NALF1: variants seen among roughly 807,000 people sequenced by gnomAD.
The protein encoded by NALF1 is NALCN channel auxiliary factor 1.
Under a neutral mutation model 48.4 loss-of-function variants are expected in NALF1, and 3 were observed. That is an observed-to-expected ratio of 0.06 (90% CI 0.03 to 0.16). NALF1 has a LOEUF of 0.16. NALF1 is among the 10% of genes least tolerant of loss of function. NALF1 has a pLI of 1.00. For missense variants in NALF1, 526 were observed against 571.5 expected, an observed-to-expected ratio of 0.92 and a Z score of 0.81; for synonymous variants, 262 against 245.7, an observed-to-expected ratio of 1.07 and a Z score of -0.62.
At chr13:107,319,790 T>C (rs1882219186) in intron 1 of NALF1, among the ~76,000 whole-genome samples, 2 of 152,152 alleles carry the variant, frequency 1.3e-5, no homozygotes, top group Non-Finnish European at 2.9e-5. Flanking sequence ...GCCTGTACAT[T>C]TAGCCACTAC....
intron 1 of NALF1, among the ~76,000 whole-genome samples, chr13:107,768,446 C>T (rs3858803): frequency 0.44 from 67,525 of 151,924 alleles, 16,042 homozygotes; most frequent in East Asian, 0.77. Flanking sequence ...ACACAATAAA[C>T]TGGTTAATAA....
At chr13:107,221,318 C>T (rs1380833760) in intron 1 of NALF1, among the ~76,000 whole-genome samples, 1 of 152,200 alleles carries the variant, frequency 6.6e-6, no homozygotes, top group African/African-American at 2.4e-5. Context: ...TGGCTCATGC[C>T]TGTAAGCCTA....
chr13:107,361,422 T>C (rs1350472642), intron 1 of NALF1, among the ~76,000 whole-genome samples: 9 of 151,962 alleles, frequency 5.9e-5, no homozygotes, highest in African/African-American at 1.7e-4. Context: ...TACATATATG[T>C]AGACAGTACA....
intron 1 of NALF1, among the ~76,000 whole-genome samples, chr13:107,518,369 T>TG (rs1481097145): frequency 6.6e-6 from 1 of 152,176 alleles, no homozygotes; most frequent in Non-Finnish European, 1.5e-5. Flanking sequence ...GTTGGAATTT[T>TG]GGGGCATCTA....
Position 107,866,291 on chromosome 13 carries a change from G to A in NALF1, c.306C>T (p.Ser102=), listed in dbSNP as rs1371359068. The A allele has an allele frequency of 6.2e-7, 1 of 1,604,202 alleles. No individual in the cohort carries two copies. The change falls in exon 1 of 3, where the codon TCC becomes TCT. Residue 102 remains serine (S), a synonymous_variant. Transcript: ENST00000375915. The surrounding 1 kb of genome is among the most constrained non-coding windows in gnomAD (Gnocchi z 4.4). ...CCATGCTCGCCAGGAGCGCGGGCCA[G>A]GAGGGCTCCTGCTGCCGCCGCTGCT... ...QQQQRRQQEP[S]WPALLASMGE...
intron 1 of NALF1, among the ~76,000 whole-genome samples, chr13:107,698,624 C>A (rs911910561): frequency 1.3e-5 from 2 of 152,088 alleles, no homozygotes; most frequent in African/African-American, 4.8e-5. Flanking sequence ...TTCCCCAAGA[C>A]ATTTTTGAAT....
intron 1 of NALF1, among the ~76,000 whole-genome samples, chr13:107,268,542 T>C (rs1016434596): frequency 3.3e-5 from 5 of 152,220 alleles, no homozygotes; most frequent in African/African-American, 1.2e-4. Context: ...TTCTGCAAGA[T>C]AATACTGTTG....
intron 1 of NALF1, among the ~76,000 whole-genome samples, chr13:107,227,613 A>G (rs968408007): frequency 6.6e-6 from 1 of 152,240 alleles, no homozygotes; most frequent in African/African-American, 2.4e-5. Flanking sequence ...TTGATAGACA[A>G]GAAAGTACTT....
At chr13:107,374,154 T>G (rs968168376) in intron 1 of NALF1, among the ~76,000 whole-genome samples, 1 of 152,218 alleles carries the variant, frequency 6.6e-6, no homozygotes, top group African/African-American at 2.4e-5. Context: ...TGTCGTTTTC[T>G]CTGTCTACTT....
intron 1 of NALF1, among the ~76,000 whole-genome samples, chr13:107,520,041 T>C (rs912612040): frequency 2.0e-5 from 3 of 152,222 alleles, no homozygotes; most frequent in Admixed American, 2.0e-4. Context: ...TAATGCTTTA[T>C]GATGATCTTT....
chr13:107,526,575 T>G (rs1240910296), intron 1 of NALF1, among the ~76,000 whole-genome samples: 1 of 152,138 alleles, frequency 6.6e-6, no homozygotes, highest in Non-Finnish European at 1.5e-5. Context: ...ATAAGGTTAC[T>G]GTAGAAGGAC....
At chr13:107,200,492 T>C (rs1444922053) in intron 2 of NALF1, among the ~76,000 whole-genome samples, 1 of 152,168 alleles carries the variant, frequency 6.6e-6, no homozygotes, top group Non-Finnish European at 1.5e-5. Context: ...GGCAAGCATC[T>C]CCCACACGAT....
intron 1 of NALF1, among the ~76,000 whole-genome samples, chr13:107,463,158 A>AT (rs902812508): frequency 1.8e-4 from 28 of 152,206 alleles, no homozygotes; most frequent in African/African-American, 6.0e-4. Context: ...GTGCTTTGTG[A>AT]TTTTATATAA....
intron 1 of NALF1, among the ~76,000 whole-genome samples, chr13:107,821,337 C>T (rs74112637): frequency 6.6e-6 from 1 of 152,148 alleles, no homozygotes; most frequent in Admixed American, 6.5e-5. Flanking sequence ...ATGATTCCTA[C>T]AGTTATATGT....
intron 1 of NALF1, among the ~76,000 whole-genome samples, chr13:107,413,328 T>C (rs9587379): frequency 0.22 from 32,888 of 152,124 alleles, 4,047 homozygotes; most frequent in Middle Eastern, 0.28. Flanking sequence ...ATAATAAAAA[T>C]GTTCACTGCT....
At chr13:107,614,729 C>A (rs928728586) in intron 1 of NALF1, among the ~76,000 whole-genome samples, 1 of 151,276 alleles carries the variant, frequency 6.6e-6, no homozygotes, top group African/African-American at 2.4e-5. Flanking sequence ...GAAACTTTGC[C>A]CTTTCCCTAA....
intron 1 of NALF1, among the ~76,000 whole-genome samples, chr13:107,338,419 C>T (rs926101863): frequency 1.2e-5 from 1 of 86,570 alleles, no homozygotes; most frequent in African/African-American, 2.7e-5. Context: ...TTTCGCCTTT[C>T]TCAACAAAAA....
At chr13:107,811,831 C>T (rs139916057) in intron 1 of NALF1, among the ~76,000 whole-genome samples, 148 of 152,220 alleles carry the variant, frequency 9.7e-4, no homozygotes, top group Admixed American at 1.6e-3. Context: ...AGGGCAGAGC[C>T]CTCATGGCCT....
At chr13:107,406,129 C>T (rs1301677045) in intron 1 of NALF1, among the ~76,000 whole-genome samples, 3 of 151,990 alleles carry the variant, frequency 2.0e-5, no homozygotes, top group African/African-American at 7.2e-5. Context: ...ACAAACACAT[C>T]TAGGAAAAGA....
Sources: gnomAD v4.1 joint callset for allele counts (sites outside exome capture counted in the v4.1 genomes callset) on GRCh38, gnomAD v4.1.1 for gene constraint, Gnocchi (gnomAD v3.1) non-coding constraint, MANE v1.5 for transcripts, NCBI Gene and HGNC (gene_info 2026-07-23, HGNC 2026-07-21) for gene names.